Variants in ADD1 observed in about 807,000 individuals in gnomAD.
The protein encoded by ADD1 is adducin 1.
ADD1 carries 24 observed loss-of-function variants against 80.5 expected under a neutral mutation model. That is an observed-to-expected ratio of 0.30 (90% CI 0.22 to 0.42). The LOEUF (loss-of-function observed/expected upper bound fraction) is 0.42. ADD1 is among the 10% of genes least tolerant of loss of function. The pLI, the probability that ADD1 is intolerant of heterozygous loss-of-function variation, is 1.00. For missense variants in ADD1, 948 were observed against 1,019.0 expected, an observed-to-expected ratio of 0.93 and a Z score of 0.95; for synonymous variants, 373 against 393.8, an observed-to-expected ratio of 0.95 and a Z score of 0.63.
intron 4 of ADD1, among the ~76,000 whole-genome samples, chr4:2,893,281 G>GA (rs1303022792): frequency 0.011 from 1,505 of 138,932 alleles, 21 homozygotes; most frequent in African/African-American, 0.032. Context: ...CTGCAGCAAG[G>GA]AAAAAAAAAA....
intron 1 of ADD1, among the ~76,000 whole-genome samples, chr4:2,857,444 C>T (rs982024587): frequency 6.6e-6 from 1 of 152,078 alleles, no homozygotes; most frequent in Non-Finnish European, 1.5e-5. Flanking sequence ...CCTGTCTCTA[C>T]ATAAAATACA....
intron 13 of ADD1, among the ~76,000 whole-genome samples, chr4:2,913,952 G>A (rs1263202604): frequency 1.3e-5 from 2 of 151,926 alleles, no homozygotes; most frequent in Non-Finnish European, 2.9e-5. Flanking sequence ...CCAGCTACTC[G>A]GGAGGCTGAG....
At chr4:2,921,423 C>T (rs1017168634) in intron 14 of ADD1, among the ~76,000 whole-genome samples, 20 of 152,268 alleles carry the variant, frequency 1.3e-4, no homozygotes, top group African/African-American at 3.8e-4. Context: ...CCACTGCACC[C>T]GGCCGAAAAT....
intron 1 of ADD1, among the ~76,000 whole-genome samples, chr4:2,863,205 C>G (rs1168089105): frequency 6.7e-6 from 1 of 149,536 alleles, no homozygotes; most frequent in Non-Finnish European, 1.5e-5. Context: ...GCCACCACGC[C>G]CAGCTAATTT....
At chr4:2,854,616 G>A (rs1245882394) in intron 1 of ADD1, among the ~76,000 whole-genome samples, 1 of 151,988 alleles carries the variant, frequency 6.6e-6, no homozygotes, top group Non-Finnish European at 1.5e-5. Context: ...GCTGTACTTA[G>A]GTTTATGGCC....
chr4:2,905,949 C>G (rs1457076397), intron 10 of ADD1, among the ~76,000 whole-genome samples: 2 of 152,144 alleles, frequency 1.3e-5, no homozygotes, highest in African/African-American at 4.8e-5. Context: ...GTAGAAGAGG[C>G]CCATTTCCAG....
chr4:2,921,375 G>A (rs1054766081), intron 14 of ADD1, among the ~76,000 whole-genome samples: 5 of 152,116 alleles, frequency 3.3e-5, no homozygotes, highest in Admixed American at 1.3e-4. Context: ...TGATCTGCCC[G>A]CCTCAGCCTC....
chr4:2,925,964 C>A, intron 14 of ADD1, 50 bp from the exon 15 acceptor site: 12 of 1,552,372 alleles, frequency 7.7e-6, no homozygotes, highest in Non-Finnish European at 1.1e-5. Flanking sequence ...GGTACAGGCT[C>A]ATGGCGTGGC....
chr4:2,882,011 A>G lies in ADD1; in HGVS notation c.309A>G (p.Pro103=), dbSNP rs376198993. The G allele has an allele frequency of 1.2e-6, 2 of 1,613,294 alleles. No individual in the cohort carries two copies. The highest frequency in any genetic ancestry group is 1.7e-6 in the Non-Finnish European group (2 of 1,179,814). The change falls in exon 3 of 16, where the codon CCA becomes CCG. Residue 103 remains proline, a synonymous_variant. Coordinates refer to ENST00000683351, the MANE Select transcript of ADD1 (RefSeq NM_001354761.2). ...CAGATTTTATGACCACGAATGTACC[A>G]AATGTCTACCCAGCAGCTCCGCAAG... The part of the protein sequence containing the change: ...QIADFMTTNV[P]NVYPAAPQGG...
chr4:2,849,583 A>G (rs1266225750), intron 1 of ADD1, among the ~76,000 whole-genome samples: 4 of 152,198 alleles, frequency 2.6e-5, no homozygotes, highest in African/African-American at 9.7e-5. Flanking sequence ...GGGAGGAGAA[A>G]GTCATCATTT....
intron 1 of ADD1, among the ~76,000 whole-genome samples, chr4:2,865,334 C>G (rs1729388791): frequency 6.6e-6 from 1 of 152,120 alleles, no homozygotes; most frequent in South Asian, 2.1e-4. Flanking sequence ...TCTTCTTAGG[C>G]TTATTTTTGT....
At chr4:2,875,700 G>A (rs1731169558) in intron 1 of ADD1, among the ~76,000 whole-genome samples, 196 bp from the exon 2 acceptor site, 1 of 152,168 alleles carries the variant, frequency 6.6e-6, no homozygotes, top group African/African-American at 2.4e-5. Context: ...GCATTGGTTA[G>A]TGGGAGGGTG....
At position 2,882,053 on chromosome 4, in the gene ADD1, A is replaced by C; in HGVS notation, c.351A>C (p.Leu117Phe). 1 of 1,601,262 alleles carries C rather than the reference A, an allele frequency of 6.2e-7. No homozygotes were observed. Among genetic ancestry groups the C allele is most frequent in the Non-Finnish European group, 8.5e-7 (1 of 1,176,590 alleles). Residue 117 changes from leucine to phenylalanine, a missense_variant, in exon 3 of 16, where the codon TTA (leucine) becomes TTC (phenylalanine). By Grantham distance (22) the Leu-to-Phe change is conservative. Transcript: ENST00000683351. ...PAAPQGGMAA[L>F]NMSLGMVTPV... ...CTCCGCAAGGAGGGATGGCTGCCTT[A>C]AACATGAGTGAGTAGTTCCTGATTT...
At position 2,909,416 on chromosome 4, in the gene ADD1, T is replaced by C. The variant is rs77963549; in HGVS notation, c.1776T>C (p.Ser592=). ...AGCAGACCTTTAGTCCCGCTAAATC[T>C]CTCTCTTTTAGAAAGGTACTCACTG... is the stretch of plus-strand genomic sequence containing the variant. ...LTEQTFSPAK[S]LSFRKGELVT... Residue 592 remains serine, a synonymous_variant, in exon 13 of 16, where the codon TCT becomes TCC. Transcript: ENST00000683351. The C allele has an allele frequency of 2.5e-3, 3,809 of 1,550,140 alleles. 85 individuals are homozygous for C. The African/African-American group carries it at 0.046, about 19-fold the overall frequency.
rs1453662189 is a variant in ADD1 at position 2,924,313 on chromosome 4, C to T, written c.1949-1701C>T. ...GTCTCCAAAGCCTATTCCTTGAGGG[C>T]TTTTGGGCATCAGCTGCTTTTCCCC... On this transcript the variant is annotated intron_variant, in intron 14 of 15. Transcript: ENST00000683351. 9.2e-5 allele frequency among the ~76,000 whole-genome samples: 14 copies of T among 152,316 alleles called. No individual in the cohort carries two copies. The East Asian group carries it at 2.5e-3, about 27-fold the overall frequency.
At chr4:2,888,679 A>G (rs1365656339) in intron 4 of ADD1, among the ~76,000 whole-genome samples, 2 of 152,038 alleles carry the variant, frequency 1.3e-5, no homozygotes, top group South Asian at 2.1e-4. Context: ...CAGCCTCCCA[A>G]AGTGCTAGGG....
chr4:2,868,483 C>G (rs1454037539), intron 1 of ADD1, among the ~76,000 whole-genome samples: 1 of 152,172 alleles, frequency 6.6e-6, no homozygotes, highest in Non-Finnish European at 1.5e-5. Flanking sequence ...AGCGAACTCT[C>G]CACCTTCTGT....
intron 4 of ADD1, among the ~76,000 whole-genome samples, chr4:2,892,679 T>C (rs749083511): frequency 2.6e-5 from 4 of 151,078 alleles, no homozygotes; most frequent in African/African-American, 7.3e-5. Flanking sequence ...AAATAAAAAA[T>C]AAAAAAATAG....
At chr4:2,853,226 A>T (rs983649100) in intron 1 of ADD1, 13 of 149,402 alleles carry the variant, frequency 8.7e-5, no homozygotes, top group African/African-American at 3.2e-4. Context: ...CTCCCACCTC[A>T]GCCTCCCCAG....
Sources: gnomAD v4.1 joint callset for allele counts (sites outside exome capture counted in the v4.1 genomes callset) on GRCh38, gnomAD v4.1.1 for gene constraint, MANE v1.5 for transcripts, NCBI Gene and HGNC (gene_info 2026-07-23, HGNC 2026-07-21) for gene names.